The following FBXO34 variants were observed in gnomAD, a reference collection of about 807,000 sequenced individuals.
The protein encoded by FBXO34 is F-box protein 34.
Under a neutral mutation model 24.5 loss-of-function variants are expected in FBXO34, and 12 were observed. That is an observed-to-expected ratio of 0.49 (90% CI 0.31 to 0.79). FBXO34 has a LOEUF of 0.79. Ranked by LOEUF, FBXO34 falls within the 30% of genes least tolerant of loss-of-function variation. The pLI is 0.04. For synonymous variants in FBXO34, 320 were observed against 311.9 expected, an observed-to-expected ratio of 1.03 and a Z score of -0.27; for missense variants, 823 against 857.7, an observed-to-expected ratio of 0.96 and a Z score of 0.51.
At chr14:55,318,419 G>C (rs1883012898) in intron 1 of FBXO34, 1 of 38,004 alleles carries the variant, frequency 2.6e-5, no homozygotes, top group Non-Finnish European at 4.0e-5. Context: ...TATGCAGTCA[G>C]TAACTTTTTT....
At chr14:55,298,492 C>T (rs563752242) in intron 1 of FBXO34, among the ~76,000 whole-genome samples, 4 of 152,288 alleles carry the variant, frequency 2.6e-5, no homozygotes, top group Non-Finnish European at 5.9e-5. Context: ...AGTCAGTGAG[C>T]CCTTATGTTT....
rs73281258 is a variant in FBXO34, at chr14:55,272,856, G to C, written c.-11+1319G>C. ...TATTCCAGGACCGCTTGTCTGGATAGGTAACTAAAATTTTGTCTGTAGTGC... is the reference window on the plus strand; with the variant it reads ...TATTCCAGGACCGCTTGTCTGGATACGTAACTAAAATTTTGTCTGTAGTGC... On this transcript the variant is annotated intron_variant, in intron 1 of 1. Coordinates refer to ENST00000313833, the MANE Select transcript of FBXO34 (RefSeq NM_017943.4). Among the ~76,000 whole-genome samples, 1,419 of 152,148 alleles carry C rather than the reference G, an allele frequency of 9.3e-3. 31 individuals are homozygous for C. The highest frequency in any genetic ancestry group is 0.033 in the African/African-American group (1,370 of 41,478).
Position 55,283,944 on chromosome 14 carries a change from A to ATGTGTGTGTGTGTGTG in FBXO34, c.-11+12423_-11+12438dup, listed in dbSNP as rs71131258. On this transcript the variant is annotated intron_variant, in intron 1 of 1. Coordinates refer to ENST00000313833, the MANE Select transcript of FBXO34 (RefSeq NM_017943.4). ...AAACGTGACTTTACATTCTAAGACT[A>ATGTGTGTGTGTGTGTG]TGTGTGTGTGTGTGTGTGTGTGTGT... is the stretch of plus-strand genomic sequence containing the variant. 9.8e-3 allele frequency among the ~76,000 whole-genome samples: 1,396 copies of ATGTGTGTGTGTGTGTG among 142,612 alleles called. 12 individuals are homozygous for ATGTGTGTGTGTGTGTG. The highest frequency in any genetic ancestry group is 0.024 in the Middle Eastern group (6 of 246). The allele number at this position is 142,612 out of a possible 152,430, so 93.6% of individuals were successfully genotyped here.
chr14:55,429,151 G>T, the FBXO34 span, among the ~76,000 whole-genome samples: 1 of 152,084 alleles, frequency 6.6e-6, no homozygotes, highest in African/African-American at 2.4e-5. Context: ...CCTTATAAAA[G>T]GTCTTGTAAA....
chr14:55,336,814 C>A (rs79800465), intron 1 of FBXO34, among the ~76,000 whole-genome samples: 1 of 142,306 alleles, frequency 7.0e-6, no homozygotes, highest in African/African-American at 2.6e-5. Context: ...TTGAGAACTT[C>A]CCAGAAATGT....
chr14:55,361,805 C>T (rs1438022578), exon 4 of FBXO34: 1 of 152,278 alleles, frequency 6.6e-6, no homozygotes, highest in Non-Finnish European at 1.5e-5. Context: ...CCTCACTTCT[C>T]TCAACCATCA....
At chr14:55,421,001 C>A in the FBXO34 span, among the ~76,000 whole-genome samples, 2 of 141,158 alleles carry the variant, frequency 1.4e-5, no homozygotes, top group African/African-American at 5.2e-5. Flanking sequence ...GCGGAGGTTG[C>A]AGTGAGCCGA....
the FBXO34 span, among the ~76,000 whole-genome samples, chr14:55,393,132 A>G: frequency 1.9e-4 from 29 of 152,214 alleles, no homozygotes; most frequent in Non-Finnish European, 3.2e-4. Flanking sequence ...CTGTAATCCC[A>G]GCACTTTGGG....
chr14:55,279,597 C>T (rs1881465204), intron 1 of FBXO34, among the ~76,000 whole-genome samples: 1 of 152,188 alleles, frequency 6.6e-6, no homozygotes, highest in Non-Finnish European at 1.5e-5. Context: ...GTGTGAACCT[C>T]AGCTTAAGAA....
the FBXO34 span, among the ~76,000 whole-genome samples, chr14:55,438,141 A>G: frequency 2.6e-5 from 4 of 152,192 alleles, no homozygotes; most frequent in African/African-American, 7.2e-5. Flanking sequence ...AGAAACTCAA[A>G]AAGATCTTAT....
the FBXO34 span, among the ~76,000 whole-genome samples, chr14:55,440,018 TG>T: frequency 6.6e-6 from 1 of 151,248 alleles, no homozygotes; most frequent in East Asian, 1.9e-4. Context: ...GAGAATCGCT[TG>T]AACCCAGGAG....
chr14:55,327,906 T>TG (rs1566557722), intron 1 of FBXO34, among the ~76,000 whole-genome samples: 2 of 134,090 alleles, frequency 1.5e-5, no homozygotes, highest in Non-Finnish European at 3.1e-5. Flanking sequence ...TTGTTGTTGT[T>TG]GGTTTTTTTT....
Position 55,352,315 on chromosome 14 carries a change from G to A in FBXO34, c.1925G>A (p.Gly642Glu). 1.9e-6 allele frequency: 3 copies of A among 1,614,156 alleles called. No homozygotes were observed. The highest frequency in any genetic ancestry group is 2.5e-6 in the Non-Finnish European group (3 of 1,179,982). Residue 642 changes from glycine to glutamate, a missense_variant, in exon 2 of 2, where the codon GGG becomes GAG. Gly to Glu is a moderately conservative substitution (Grantham distance 98). Around this residue, in one of 2 missense-constraint regions of FBXO34, gnomAD observed 130 missense variants for 198.6 expected, o/e 0.65. Coordinates refer to ENST00000313833, the MANE Select transcript of FBXO34 (RefSeq NM_017943.4). ...CKQCKKKYVK[G>E]DVSLCRWHPK... Reference sequence around the variant, plus strand: ...CAGTGCAAGAAAAAGTATGTGAAAGGGGATGTGTCCCTGTGCCGATGGCAC... The same window carrying A: ...CAGTGCAAGAAAAAGTATGTGAAAGAGGATGTGTCCCTGTGCCGATGGCAC...
intron 1 of FBXO34, among the ~76,000 whole-genome samples, chr14:55,336,193 C>G (rs1401753102): frequency 6.6e-6 from 1 of 152,138 alleles, no homozygotes; most frequent in East Asian, 1.9e-4. Flanking sequence ...TGTTGTCTTT[C>G]AGTTCTTTTT....
intron 1 of FBXO34, among the ~76,000 whole-genome samples, chr14:55,272,654 A>T (rs1881195716): frequency 6.6e-6 from 1 of 151,140 alleles, no homozygotes; most frequent in Non-Finnish European, 1.5e-5. Context: ...GAGGAGTTTG[A>T]ATTAATCCAA....
intron 1 of FBXO34, among the ~76,000 whole-genome samples, chr14:55,275,823 CAAAA>C (rs57849080): frequency 2.2e-5 from 2 of 90,038 alleles, no homozygotes; most frequent in African/African-American, 3.6e-5. Context: ...GACTCTGTCT[CAAAA>C]AAAAAAAAAA....
chr14:55,337,278 C>T (rs1340302756), intron 1 of FBXO34, among the ~76,000 whole-genome samples: 1 of 151,798 alleles, frequency 6.6e-6, no homozygotes, highest in Non-Finnish European at 1.5e-5. Flanking sequence ...CTGGTCCATG[C>T]TTATGGTTAT....
At chr14:55,299,681 AAAAT>A (rs1442095681) in intron 1 of FBXO34, among the ~76,000 whole-genome samples, 3 of 152,206 alleles carry the variant, frequency 2.0e-5, no homozygotes, top group Non-Finnish European at 4.4e-5. Flanking sequence ...CTAAAATATT[AAAAT>A]AAATATTGAA....
the FBXO34 span, chr14:55,411,498 C>G: frequency 8.8e-7 from 1 of 1,135,340 alleles, no homozygotes; most frequent in Admixed American, 2.4e-5. Flanking sequence ...GCTCCTCTCG[C>G]TGGTATCTGG....
Sources: gnomAD v4.1 joint callset for allele counts (sites outside exome capture counted in the v4.1 genomes callset) on GRCh38, gnomAD v4.1.1 for gene constraint, gnomAD v4.1.1 regional missense constraint, MANE v1.5 for transcripts, NCBI Gene and HGNC (gene_info 2026-07-23, HGNC 2026-07-21) for gene names.